OPHN1: variants seen among roughly 807,000 people sequenced by gnomAD.
OPHN1 encodes the protein oligophrenin-1.
In OPHN1, 11 loss-of-function variants were observed where a neutral mutation model predicts 60.7. That is an observed-to-expected ratio of 0.18 (90% CI 0.11 to 0.30). The LOEUF (loss-of-function observed/expected upper bound fraction) is 0.30, where lower values mean the gene tolerates loss of function less well. Ranked by LOEUF, OPHN1 falls within the 10% of genes least tolerant of loss-of-function variation. OPHN1 has a pLI of 1.00. For missense variants in OPHN1, 449 were observed against 611.0 expected (o/e 0.73, Z 2.80); for synonymous variants, 226 against 222.6 (o/e 1.02, Z -0.14).
chrX:68,255,727 A>T (rs1187875355), intron 5 of OPHN1, among the ~76,000 whole-genome samples: 1 of 108,707 alleles, frequency 9.2e-6, no homozygotes, highest in African/African-American at 3.4e-5. Flanking sequence ...CTCTACATAC[A>T]CACACACACA....
At chrX:68,202,089 C>T (rs984038716) in intron 10 of OPHN1, among the ~76,000 whole-genome samples, 7 of 111,098 alleles carry the variant, frequency 6.3e-5, no homozygotes, top group Non-Finnish European at 1.9e-5. Context: ...GAAATTGTGA[C>T]GGGGTAAGTG....
intron 2 of OPHN1, among the ~76,000 whole-genome samples, chrX:68,330,318 G>A (rs914386275): frequency 3.6e-5 from 4 of 110,892 alleles, no homozygotes; most frequent in Admixed American, 1.9e-4. Flanking sequence ...GGTTGGCCTC[G>A]ACCTCCTGAC....
chrX:68,278,746 C>A (rs1043417804), intron 4 of OPHN1, among the ~76,000 whole-genome samples: 1 of 111,766 alleles, frequency 8.9e-6, no homozygotes, highest in African/African-American at 3.2e-5. Context: ...ATTAGCTGGG[C>A]ATGGTGGTGG....
intron 15 of OPHN1, among the ~76,000 whole-genome samples, chrX:68,167,494 T>C (rs1386964280): frequency 9.1e-6 from 1 of 110,459 alleles, no homozygotes; most frequent in East Asian, 2.9e-4. Context: ...ATCAAATTGT[T>C]GGATATATAT....
chrX:68,179,376 A>G (rs2077427184), intron 15 of OPHN1, among the ~76,000 whole-genome samples: 1 of 112,095 alleles, frequency 8.9e-6, no homozygotes, highest in Non-Finnish European at 1.9e-5. Flanking sequence ...GCAATAATGT[A>G]TATCTTTGTC....
intron 2 of OPHN1, among the ~76,000 whole-genome samples, chrX:68,344,883 C>G (rs1235055839): frequency 9.0e-6 from 1 of 111,351 alleles, no homozygotes; most frequent in Non-Finnish European, 1.9e-5. Context: ...ATTATTATAA[C>G]CTATGACATT....
At chrX:68,219,453 C>T (rs890205580) in intron 6 of OPHN1, among the ~76,000 whole-genome samples, 4 of 107,611 alleles carry the variant, frequency 3.7e-5, no homozygotes, top group African/African-American at 1.4e-4. Context: ...ACAGAACTCT[C>T]CACCCCAAAT....
intron 2 of OPHN1, among the ~76,000 whole-genome samples, chrX:68,428,566 G>T (rs2078870642): frequency 8.9e-6 from 1 of 112,164 alleles, no homozygotes; most frequent in Non-Finnish European, 1.9e-5. Context: ...CATTCTGTAT[G>T]CCTGACAGCT....
chrX:68,343,067 G>C (rs1381936237), intron 2 of OPHN1, among the ~76,000 whole-genome samples: 1 of 110,902 alleles, frequency 9.0e-6, no homozygotes, highest in African/African-American at 3.3e-5. Context: ...GAAGTCAGGA[G>C]TTCGAGATCA....
At chrX:68,363,499 A>G (rs1401494227) in intron 2 of OPHN1, among the ~76,000 whole-genome samples, 1 of 109,237 alleles carries the variant, frequency 9.2e-6, no homozygotes, top group Non-Finnish European at 1.9e-5. Flanking sequence ...TTTAGTAGAG[A>G]TGGGGTTTTA....
chrX:68,387,332 T>C (rs924478175), intron 2 of OPHN1, among the ~76,000 whole-genome samples: 7 of 110,204 alleles, frequency 6.4e-5, no homozygotes, highest in Non-Finnish European at 9.5e-5. Context: ...ACCACCACTT[T>C]AGTTCAAGCC....
At chrX:68,108,485 T>A (rs1347720919) in intron 18 of OPHN1, among the ~76,000 whole-genome samples, 2 of 112,135 alleles carry the variant, frequency 1.8e-5, no homozygotes, top group African/African-American at 6.5e-5. Context: ...TGTTAAAATT[T>A]TTTTTCCTTA....
At chrX:68,174,004 G>T (rs985959434) in intron 15 of OPHN1, among the ~76,000 whole-genome samples, 2 of 112,025 alleles carry the variant, frequency 1.8e-5, no homozygotes, top group African/African-American at 6.5e-5. Flanking sequence ...CTGAGTGCCG[G>T]TTACATGGGT....
intron 18 of OPHN1, among the ~76,000 whole-genome samples, chrX:68,099,596 T>C (rs967393686): frequency 3.6e-5 from 4 of 111,890 alleles, no homozygotes; most frequent in Non-Finnish European, 7.5e-5. Flanking sequence ...AATGTAACTC[T>C]AATATAATAT....
intron 2 of OPHN1, among the ~76,000 whole-genome samples, chrX:68,426,070 G>A (rs1319446991): frequency 9.0e-6 from 1 of 110,905 alleles, no homozygotes; most frequent in Middle Eastern, 4.2e-3. Context: ...AGACTGAAAC[G>A]ACCCACCCGC....
At chrX:68,207,212 T>C (rs1268815739) in intron 9 of OPHN1, among the ~76,000 whole-genome samples, 2 of 107,408 alleles carry the variant, frequency 1.9e-5, no homozygotes, top group African/African-American at 6.8e-5. Context: ...CACTGCAAGC[T>C]CCACCTCCCC....
chrX:68,146,453 A>G (rs1251424075), intron 15 of OPHN1, among the ~76,000 whole-genome samples: 7 of 112,563 alleles, frequency 6.2e-5, no homozygotes, highest in African/African-American at 2.3e-4. Context: ...AAGAAAGACC[A>G]AACAACATAC....
At chrX:68,226,460 A>T (rs1159616511) in intron 6 of OPHN1, among the ~76,000 whole-genome samples, 4 of 111,393 alleles carry the variant, frequency 3.6e-5, no homozygotes, top group African/African-American at 1.3e-4. Context: ...GAAGGAAAAA[A>T]TGTTAAGGGC....
chrX:68,316,258 T>C (rs2078198781), intron 2 of OPHN1, among the ~76,000 whole-genome samples: 1 of 111,645 alleles, frequency 9.0e-6, no homozygotes, highest in Non-Finnish European at 1.9e-5. Flanking sequence ...CTTTCAACAA[T>C]GTATAAAACT....
Sources: allele counts gnomAD v4.1 joint callset (sites outside exome capture counted in the v4.1 genomes callset), GRCh38; gene constraint gnomAD v4.1.1; transcripts MANE v1.5; gene names NCBI Gene and HGNC (gene_info 2026-07-23, HGNC 2026-07-21).